The following WDR27 variants were observed in gnomAD, a reference collection of about 807,000 sequenced individuals.
WDR27 encodes the protein WD repeat domain 27.
A neutral mutation model predicts 114.4 loss-of-function variants in WDR27; 100 were observed. The observed-to-expected ratio is 0.87, with a 90% CI of 0.74 to 1.03. WDR27 has a LOEUF of 1.03. Ranked by LOEUF, WDR27 falls within the 50% of genes least tolerant of loss-of-function variation. The probability of loss-of-function intolerance (pLI) is 0.00; values close to 1 mark genes in which losing one functional copy is unlikely to be tolerated. For synonymous variants in WDR27, 449 were observed against 423.1 expected (o/e 1.06, Z -0.75); for missense variants, 1,129 against 1,092.9 (o/e 1.03, Z -0.47).
chr6:169,598,819 C>T (rs1181775929), intron 23 of WDR27, among the ~76,000 whole-genome samples: 6 of 152,086 alleles, frequency 3.9e-5, no homozygotes, highest in African/African-American at 9.7e-5. Context: ...CCTCCAGAGC[C>T]GACAGAAAAT....
intron 25 of WDR27, among the ~76,000 whole-genome samples, chr6:169,489,120 T>C (rs1789374327): frequency 6.6e-6 from 1 of 152,076 alleles, no homozygotes; most frequent in African/African-American, 2.4e-5. Context: ...GCAGAGATGT[T>C]CCGTTCATTC....
chr6:169,643,807 A>C, intron 16 of WDR27, 21 bp from the exon 17 acceptor site: 1 of 1,599,958 alleles, frequency 6.3e-7, no homozygotes, highest in Non-Finnish European at 8.5e-7. Context: ...AATTTTAAAA[A>C]AAGACTTCTT....
At chr6:169,628,209 C>T (rs1429329590) in intron 21 of WDR27, among the ~76,000 whole-genome samples, 2 of 152,090 alleles carry the variant, frequency 1.3e-5, no homozygotes, top group Non-Finnish European at 2.9e-5. Context: ...AGCAGGAAGG[C>T]CCCGCCACTC....
chr6:169,551,560 C>A (rs528172433), intron 25 of WDR27, among the ~76,000 whole-genome samples: 5 of 151,920 alleles, frequency 3.3e-5, no homozygotes, highest in East Asian at 1.9e-4. Flanking sequence ...CATGGTGAAA[C>A]CCTGTCTCTA....
At chr6:169,510,290 C>T (rs1428821421) in intron 25 of WDR27, among the ~76,000 whole-genome samples, 1 of 152,114 alleles carries the variant, frequency 6.6e-6, no homozygotes, top group Admixed American at 6.5e-5. Context: ...GGTATATACC[C>T]AAAGGATTCT....
chr6:169,456,153 T>G (rs897766359), downstream of WDR27, among the ~76,000 whole-genome samples: 6 of 152,204 alleles, frequency 3.9e-5, no homozygotes, highest in Non-Finnish European at 8.8e-5. This position sits in a 1 kb window ranked among gnomAD's most constrained non-coding sequence, Gnocchi z 4.0. Context: ...GGGGAAACAA[T>G]ATATTTTAAA....
chr6:169,646,850 A>T lies in WDR27; in HGVS notation c.1657+923T>A, dbSNP rs1820875169. 2.6e-5 allele frequency among the ~76,000 whole-genome samples: 4 copies of T among 152,352 alleles called. 1 individual carries two copies. In the Middle Eastern group the frequency reaches 0.014, roughly 518 times the overall value. On this transcript the variant is annotated intron_variant, in intron 16 of 25. Coordinates refer to ENST00000448612, the MANE Select transcript of WDR27 (RefSeq NM_182552.5). ...AGGAATGTTCAGTCTATCAAAGATCAGAAGGACATTTACTGATAATACTAC... is the reference window on the plus strand; with the variant it reads ...AGGAATGTTCAGTCTATCAAAGATCTGAAGGACATTTACTGATAATACTAC...
chr6:169,614,429 T>C (rs555126796), intron 21 of WDR27, among the ~76,000 whole-genome samples: 2 of 152,290 alleles, frequency 1.3e-5, no homozygotes, highest in South Asian at 4.1e-4. Context: ...CTTACACCTG[T>C]AATCCCAGCA....
At chr6:169,512,123 C>G (rs1267392954) in intron 25 of WDR27, among the ~76,000 whole-genome samples, 2 of 152,024 alleles carry the variant, frequency 1.3e-5, no homozygotes, top group Non-Finnish European at 2.9e-5. Context: ...AAAGAGAAGT[C>G]AAACTGACAA....
In WDR27 at chr6:169,649,233, C is replaced by G; in HGVS notation, c.1524G>C (p.Gly508=). The part of the protein sequence containing the change: ...FSPKTNIKSE[G]KGSSRSRSSC... Reference sequence around the variant, plus strand: ...TGCTCCTGCTCCTTGAAGATCCTTTCCCCTCACTCTTGATGTTGGTCTTTG... The same window carrying G: ...TGCTCCTGCTCCTTGAAGATCCTTTGCCCTCACTCTTGATGTTGGTCTTTG... The change falls in exon 15 of 26, where the codon GGG becomes GGC. Residue 508 remains glycine, a synonymous_variant. Transcript: ENST00000448612. The G allele has an allele frequency of 6.3e-7, 1 of 1,578,776 alleles. No individual in the cohort carries two copies. Among genetic ancestry groups the G allele is most frequent in the Non-Finnish European group, 8.6e-7 (1 of 1,161,546 alleles).
chr6:169,658,962 T>C (rs933531604), intron 12 of WDR27, 124 bp downstream of exon 12: 33 of 1,341,698 alleles, frequency 2.5e-5, no homozygotes, highest in Admixed American at 8.2e-5. Flanking sequence ...GCTGGGATTA[T>C]AGGCGTGAGC....
intron 25 of WDR27, among the ~76,000 whole-genome samples, chr6:169,535,289 T>C (rs903358294): frequency 6.6e-6 from 1 of 151,200 alleles, no homozygotes; most frequent in African/African-American, 2.5e-5. Flanking sequence ...GAACATCAGA[T>C]AAAAATCTAT....
At chr6:169,701,009 G>C (rs750115789) in intron 1 of WDR27, among the ~76,000 whole-genome samples, 7 of 152,172 alleles carry the variant, frequency 4.6e-5, no homozygotes, top group African/African-American at 1.2e-4. Context: ...GCAGTGACAA[G>C]TGATTGCTAA....
chr6:169,697,006 G>A (rs1786258297), intron 1 of WDR27, among the ~76,000 whole-genome samples: 2 of 150,898 alleles, frequency 1.3e-5, no homozygotes, highest in Non-Finnish European at 2.9e-5. Context: ...AGACAGTGTG[G>A]GCGGCAAGCC....
chr6:169,652,150 T>C (rs1822761866), intron 13 of WDR27, 142 bp from the exon 14 acceptor site: 2 of 711,786 alleles, frequency 2.8e-6, no homozygotes, highest in Non-Finnish European at 2.3e-6. Context: ...AGAGGTTTCA[T>C]ATCTGAAGTC....
chr6:169,687,061 G>A (rs1783172645), intron 2 of WDR27, among the ~76,000 whole-genome samples: 1 of 151,946 alleles, frequency 6.6e-6, no homozygotes, highest in South Asian at 2.1e-4. Flanking sequence ...ATAAGTTCTG[G>A]TATTCAAGAG....
At chr6:169,636,567 A>C (rs896259543) in intron 18 of WDR27, 63 bp from the exon 19 acceptor site, 1 of 1,467,000 alleles carries the variant, frequency 6.8e-7, no homozygotes, top group Non-Finnish European at 9.2e-7. Flanking sequence ...CTATTGCTCT[A>C]AACATAAAAT....
intron 24 of WDR27, among the ~76,000 whole-genome samples, chr6:169,574,780 G>C (rs1801980671): frequency 6.6e-6 from 1 of 152,174 alleles, no homozygotes; most frequent in Non-Finnish European, 1.5e-5. Flanking sequence ...ACTGTGGAGG[G>C]GCCAGGCCAG....
intron 21 of WDR27, among the ~76,000 whole-genome samples, chr6:169,618,150 G>C (rs1264130429): frequency 2.0e-5 from 3 of 152,100 alleles, no homozygotes; most frequent in Non-Finnish European, 4.4e-5. Context: ...AATACAGCAA[G>C]ATCTAAAACT....
Sources: allele counts gnomAD v4.1 joint callset (sites outside exome capture counted in the v4.1 genomes callset), GRCh38; gene constraint gnomAD v4.1.1; non-coding constraint Gnocchi (gnomAD v3.1); transcripts MANE v1.5; gene names NCBI Gene and HGNC (gene_info 2026-07-23, HGNC 2026-07-21).